Variants in SYCP1 observed in about 807,000 individuals in gnomAD.
The protein encoded by SYCP1 is synaptonemal complex protein 1.
SYCP1 carries 64 observed loss-of-function variants against 153.1 expected under a neutral mutation model. That is an observed-to-expected ratio of 0.42 (90% confidence interval 0.34 to 0.51). The LOEUF (loss-of-function observed/expected upper bound fraction) is 0.51. SYCP1 is among the 20% of genes least tolerant of loss of function. The pLI, the probability that SYCP1 is intolerant of heterozygous loss-of-function variation, is 0.06. For missense variants in SYCP1, 997 were observed against 1,049.0 expected, an observed-to-expected ratio of 0.95 and a Z score of 0.68; for synonymous variants, 384 against 341.8, an observed-to-expected ratio of 1.12 and a Z score of -1.36.
chr1:114,915,093 AAAAC>A (rs1487601968), intron 20 of SYCP1, among the ~76,000 whole-genome samples: 2 of 152,124 alleles, frequency 1.3e-5, no homozygotes, highest in Non-Finnish European at 2.9e-5. Context: ...AACTAAAAAA[AAAAC>A]AAACTAAAAA....
chr1:114,860,767 C>G lies in SYCP1; in HGVS notation c.556C>G (p.Leu186Val). The change falls in exon 8 of 32, where the codon CTC (leucine) becomes GTC (valine). Residue 186 changes from leucine to valine, a missense_variant. Around this residue, in one of 2 missense-constraint regions of SYCP1, gnomAD observed 285 missense variants for 366.1 expected, o/e 0.78. Coordinates refer to ENST00000369522, the MANE Select transcript of SYCP1 (RefSeq NM_003176.4). ...TGCCACAAGGCATTTATGTAATCTA[C>G]TCAAAGAAACCTGTGCTAGATCTGC... is the stretch of plus-strand genomic sequence containing the variant. ...NNATRHLCNL[L>V]KETCARSAEK... is the part of the protein sequence containing the mutation. The G allele has an allele frequency of 6.3e-7, 1 of 1,596,350 alleles. No individual in the cohort carries two copies. The highest frequency in any genetic ancestry group is 1.1e-5 in the South Asian group (1 of 87,354).
At chr1:114,980,329 A>G (rs1673068913) in intron 28 of SYCP1, among the ~76,000 whole-genome samples, 1 of 151,878 alleles carries the variant, frequency 6.6e-6, no homozygotes, top group African/African-American at 2.4e-5. Flanking sequence ...AGCTTTTACT[A>G]GAAAGTTAGG....
intron 12 of SYCP1, among the ~76,000 whole-genome samples, chr1:114,884,153 G>A (rs1666142971): frequency 6.6e-6 from 1 of 152,198 alleles, no homozygotes; most frequent in Non-Finnish European, 1.5e-5. Context: ...TGAACCAGAA[G>A]ACTCTGAGCA....
intron 15 of SYCP1, among the ~76,000 whole-genome samples, chr1:114,894,002 G>A (rs990409435): frequency 5.3e-5 from 8 of 150,840 alleles, no homozygotes; most frequent in Non-Finnish European, 3.0e-5. Context: ...TAATTTTCTG[G>A]TTTGTTAATG....
chr1:114,950,353 G>A (rs1037376435), intron 27 of SYCP1, among the ~76,000 whole-genome samples: 3 of 152,132 alleles, frequency 2.0e-5, no homozygotes, highest in Non-Finnish European at 2.9e-5. Context: ...ATCTGGGGTT[G>A]TTACTACAGT....
intron 27 of SYCP1, among the ~76,000 whole-genome samples, chr1:114,957,082 A>G (rs1671491056): frequency 6.6e-6 from 1 of 150,598 alleles, no homozygotes. Context: ...TTGTTTTTGT[A>G]GAAACAGGGT....
At chr1:114,931,539 C>T (rs1457875969) in intron 23 of SYCP1, among the ~76,000 whole-genome samples, 2 of 152,122 alleles carry the variant, frequency 1.3e-5, no homozygotes, top group South Asian at 2.1e-4. Flanking sequence ...GTGCAAGACC[C>T]ATACAGAGAA....
chr1:114,942,439 GA>G (rs1670446712), intron 23 of SYCP1, among the ~76,000 whole-genome samples: 1 of 151,866 alleles, frequency 6.6e-6, no homozygotes, highest in African/African-American at 2.4e-5. Context: ...AACAAAGTAG[GA>G]AAATGTGCCC....
At position 114,944,475 on chromosome 1, in the gene SYCP1, T is replaced by G. The variant is rs766472495; in HGVS notation, c.2043+20T>G. Reference sequence around the variant, plus strand: ...GAAGAGGTGGGAAAAACTTAATGTATTAAGAACTTATTATACTAAAAATCT... The same window carrying G: ...GAAGAGGTGGGAAAAACTTAATGTAGTAAGAACTTATTATACTAAAAATCT... On this transcript the variant is annotated intron_variant, in intron 24 of 31. Transcript: ENST00000369522. 1 of 1,354,394 alleles carries G rather than the reference T, an allele frequency of 7.4e-7. No homozygotes were observed. Among genetic ancestry groups the G allele is most frequent in the Admixed American group, 1.9e-5 (1 of 51,328 alleles). The allele number at this position is 1,354,394 out of a possible 1,614,324, so 83.9% of individuals were successfully genotyped here. A position where few individuals can be genotyped will look rare whatever the true frequency, so the allele number is the denominator to read the frequency against.
chr1:114,902,131 C>G (rs1667495542), intron 16 of SYCP1, among the ~76,000 whole-genome samples: 1 of 151,986 alleles, frequency 6.6e-6, no homozygotes, highest in Non-Finnish European at 1.5e-5. Context: ...GCTGCTCGCC[C>G]ATCTGTACCA....
chr1:114,994,533 C>G (rs1674143712), intron 30 of SYCP1, among the ~76,000 whole-genome samples, 165 bp from the exon 31 acceptor site: 1 of 151,340 alleles, frequency 6.6e-6, no homozygotes, highest in Admixed American at 6.6e-5. Flanking sequence ...TCTTTCTTCT[C>G]TCTATAATCT....
At chr1:114,893,125 A>C (rs1189224717) in intron 15 of SYCP1, among the ~76,000 whole-genome samples, 1 of 152,134 alleles carries the variant, frequency 6.6e-6, no homozygotes, top group African/African-American at 2.4e-5. Flanking sequence ...TCACTAATTT[A>C]GTTATTCTTT....
At chr1:114,974,603 A>G (rs1049846676) in intron 27 of SYCP1, among the ~76,000 whole-genome samples, 1 of 151,800 alleles carries the variant, frequency 6.6e-6, no homozygotes, top group Non-Finnish European at 1.5e-5. Context: ...TGCTTATGTG[A>G]CTGGCTTATT....
intron 8 of SYCP1, 70 bp downstream of exon 8, chr1:114,860,879 A>G: frequency 2.5e-6 from 3 of 1,219,920 alleles, no homozygotes; most frequent in East Asian, 2.7e-5. Flanking sequence ...AGGGAAAGAA[A>G]TTGTCCTTTT....
At chr1:114,902,452 A>ATTGT (rs1557784908) in intron 16 of SYCP1, among the ~76,000 whole-genome samples, 7 of 151,120 alleles carry the variant, frequency 4.6e-5, no homozygotes, top group African/African-American at 1.7e-4. Flanking sequence ...TGAAAAGGAC[A>ATTGT]AAAAGGGCCA....
chr1:114,890,684 A>G (rs548942668), intron 15 of SYCP1, among the ~76,000 whole-genome samples: 1 of 152,288 alleles, frequency 6.6e-6, no homozygotes, highest in African/African-American at 2.4e-5. Context: ...TAGGTACTCA[A>G]CTTCTTTGGG....
chr1:114,870,641 C>T (rs545744328), intron 8 of SYCP1, among the ~76,000 whole-genome samples: 1 of 152,134 alleles, frequency 6.6e-6, no homozygotes, highest in African/African-American at 2.4e-5. Flanking sequence ...TTGACATTCT[C>T]TTTTGTAGAG....
At chr1:114,906,493 A>G (rs1667816004) in intron 16 of SYCP1, among the ~76,000 whole-genome samples, 1 of 151,920 alleles carries the variant, frequency 6.6e-6, no homozygotes, top group South Asian at 2.1e-4. Context: ...TTTTGTAAGC[A>G]TTTGCATGCT....
At chr1:114,888,151 C>T (rs750846444) in intron 15 of SYCP1, among the ~76,000 whole-genome samples, 12 of 152,006 alleles carry the variant, frequency 7.9e-5, no homozygotes, top group South Asian at 4.1e-4. Flanking sequence ...TTCATGGCCA[C>T]GAGAGAGACA....
Sources: allele counts gnomAD v4.1 joint callset (sites outside exome capture counted in the v4.1 genomes callset), GRCh38; gene constraint gnomAD v4.1.1; regional missense constraint gnomAD v4.1.1; transcripts MANE v1.5; gene names NCBI Gene and HGNC (gene_info 2026-07-23, HGNC 2026-07-21).